CNTNAP2: variants seen among roughly 807,000 people sequenced by gnomAD.
CNTNAP2 encodes contactin-associated protein-like 2.
CNTNAP2 carries 98 observed loss-of-function variants against 155.2 expected under a neutral mutation model. The observed-to-expected ratio is 0.63, with a 90% confidence interval of 0.54 to 0.75. The LOEUF is 0.75. Among genes scored for constraint, CNTNAP2 ranks in the 30% least tolerant of loss-of-function variants. CNTNAP2 has a pLI of 0.00. For synonymous variants in CNTNAP2, 651 were observed against 631.2 expected (o/e 1.03, Z -0.47); for missense variants, 1,727 against 1,688.1 (o/e 1.02, Z -0.40).
chr7:148,415,770 A>G lies in CNTNAP2; in HGVS notation c.*154A>G, dbSNP rs1799972146. ...AATGGAATATAATGGAATATTCTTG[A>G]GACTGATCACAAAAAAAAAAACCTT... is the stretch of plus-strand genomic sequence containing the variant. On this transcript the variant is annotated 3_prime_UTR_variant, in exon 24 of 24. Coordinates refer to ENST00000361727, the MANE Select transcript of CNTNAP2 (RefSeq NM_014141.6). 1 of 777,296 alleles carries G rather than the reference A, an allele frequency of 1.3e-6. No homozygotes were observed. The highest frequency in any genetic ancestry group is 2.8e-5 in the East Asian group (1 of 35,946). The allele number at this position is 777,296 out of a possible 1,614,324, so 48.1% of individuals were successfully genotyped here. A position where few individuals can be genotyped will look rare whatever the true frequency, so the allele number is the denominator to read the frequency against.
At chr7:148,030,416 A>T (rs1054317690) in intron 15 of CNTNAP2, among the ~76,000 whole-genome samples, 1 of 152,200 alleles carries the variant, frequency 6.6e-6, no homozygotes, top group Admixed American at 6.5e-5. Flanking sequence ...GGAGTTAAAG[A>T]AAAGTTTGAT....
At chr7:148,076,597 G>A (rs1235185174) in intron 15 of CNTNAP2, among the ~76,000 whole-genome samples, 5 of 151,404 alleles carry the variant, frequency 3.3e-5, no homozygotes, top group East Asian at 1.9e-4. Flanking sequence ...CACCATGCCC[G>A]GCTAATTTTT....
At chr7:147,622,320 G>C (rs1794874909) in intron 12 of CNTNAP2, among the ~76,000 whole-genome samples, 1 of 151,882 alleles carries the variant, frequency 6.6e-6, no homozygotes, top group Non-Finnish European at 1.5e-5. Context: ...TTCATCCAAT[G>C]GCTACAGATC....
chr7:147,419,870 A>C (rs147094250), intron 10 of CNTNAP2, among the ~76,000 whole-genome samples: 1,552 of 152,022 alleles, frequency 0.01, 17 homozygotes, highest in Middle Eastern at 0.014. Context: ...TCTCTCCAAA[A>C]CTCTCTAATC....
intron 1 of CNTNAP2, among the ~76,000 whole-genome samples, chr7:146,573,516 A>G (rs1798474958): frequency 6.6e-6 from 1 of 152,152 alleles, no homozygotes; most frequent in Non-Finnish European, 1.5e-5. Flanking sequence ...ATTGCCTGAC[A>G]GAATTATGAC....
chr7:147,853,557 TTATA>T (rs1335432776), intron 13 of CNTNAP2, among the ~76,000 whole-genome samples: 2 of 152,208 alleles, frequency 1.3e-5, no homozygotes, highest in Non-Finnish European at 2.9e-5. Flanking sequence ...AGAAGCTCGA[TTATA>T]TATGTTATTT....
intron 8 of CNTNAP2, among the ~76,000 whole-genome samples, chr7:147,231,864 C>T (rs1290156445): frequency 6.6e-6 from 1 of 152,150 alleles, no homozygotes; most frequent in African/African-American, 2.4e-5. Context: ...TATTTTCTTC[C>T]ATATCATAGA....
chr7:146,795,058 T>G (rs548337605), intron 2 of CNTNAP2, among the ~76,000 whole-genome samples: 2 of 152,040 alleles, frequency 1.3e-5, no homozygotes, highest in East Asian at 3.9e-4. Flanking sequence ...CAGTGAAAAA[T>G]TTAAAGAAAA....
intron 10 of CNTNAP2, among the ~76,000 whole-genome samples, chr7:147,426,567 G>T (rs1318898612): frequency 1.3e-5 from 2 of 151,914 alleles, no homozygotes; most frequent in African/African-American, 4.8e-5. Flanking sequence ...GCACAACTAG[G>T]TCCATCAAGA....
chr7:148,014,291 AAACC>A (rs772936600), intron 15 of CNTNAP2: 1 of 74,538 alleles, frequency 1.3e-5, no homozygotes. Context: ...AAAAAAAAAA[AAACC>A]ACCTCTCTTT....
At chr7:147,993,739 T>G (rs778748414) in intron 15 of CNTNAP2, among the ~76,000 whole-genome samples, 1 of 152,202 alleles carries the variant, frequency 6.6e-6, no homozygotes, top group African/African-American at 2.4e-5. Flanking sequence ...TATGTTGTTA[T>G]GATAAGAGAA....
At chr7:147,187,912 T>C (rs1382082978) in intron 8 of CNTNAP2, among the ~76,000 whole-genome samples, 1 of 151,986 alleles carries the variant, frequency 6.6e-6, no homozygotes, top group Admixed American at 6.6e-5. Context: ...ATATAAAATA[T>C]TAGCCAGGTA....
intron 15 of CNTNAP2, among the ~76,000 whole-genome samples, chr7:148,073,717 T>C (rs183369910): frequency 1.8e-3 from 279 of 152,296 alleles, no homozygotes; most frequent in Non-Finnish European, 3.2e-3. Context: ...AAAAATATGG[T>C]ACAGCTGACC....
chr7:147,574,391 G>A (rs570119094), intron 12 of CNTNAP2, among the ~76,000 whole-genome samples: 1 of 152,070 alleles, frequency 6.6e-6, no homozygotes, highest in Non-Finnish European at 1.5e-5. Context: ...TTTACTGTGG[G>A]TTAGAGTAAC....
chr7:147,589,978 C>T (rs1800706961), intron 12 of CNTNAP2, among the ~76,000 whole-genome samples: 2 of 152,082 alleles, frequency 1.3e-5, no homozygotes, highest in Admixed American at 6.6e-5. Context: ...TTATTGTTGG[C>T]TCTATGGGCC....
intron 13 of CNTNAP2, among the ~76,000 whole-genome samples, chr7:147,673,864 T>A (rs915097780): frequency 1.3e-5 from 2 of 152,220 alleles, no homozygotes; most frequent in Non-Finnish European, 2.9e-5. Flanking sequence ...CTTCTTTATA[T>A]CTTTCAAATT....
At chr7:147,647,249 C>G (rs1436804304) in intron 13 of CNTNAP2, among the ~76,000 whole-genome samples, 1 of 151,774 alleles carries the variant, frequency 6.6e-6, no homozygotes, top group Non-Finnish European at 1.5e-5. Context: ...AATCTGCCCG[C>G]CTTGGCCTCC....
rs550667396 is a variant in CNTNAP2, at chr7:147,155,371, C to G, written c.1348+22862C>G. Among the ~76,000 whole-genome samples, 5 of 152,260 alleles carry G rather than the reference C, an allele frequency of 3.3e-5. No individual in the cohort carries two copies. The East Asian group carries it at 9.7e-4, about 29-fold the overall frequency. Reference sequence around the variant, plus strand: ...ATCTGTTGTTTATAAGCCACCCACTCTATGCTATCTTGTTATAGTAGCCCA... The same window carrying G: ...ATCTGTTGTTTATAAGCCACCCACTGTATGCTATCTTGTTATAGTAGCCCA... On this transcript the variant is annotated intron_variant, in intron 8 of 23. Transcript: ENST00000361727.
intron 3 of CNTNAP2, among the ~76,000 whole-genome samples, chr7:146,870,463 G>A (rs1044390235): frequency 6.6e-6 from 1 of 152,012 alleles, no homozygotes; most frequent in African/African-American, 2.4e-5. Context: ...TTATTTGGTT[G>A]TTCTCTCTTT....
Sources: allele counts gnomAD v4.1 joint callset (sites outside exome capture counted in the v4.1 genomes callset), GRCh38; gene constraint gnomAD v4.1.1; transcripts MANE v1.5; gene names NCBI Gene and HGNC (gene_info 2026-07-23, HGNC 2026-07-21).